ZC3H7A: variants seen among roughly 807,000 people sequenced by gnomAD.
ZC3H7A encodes the protein zinc finger CCCH-type containing 7A.
Under a neutral mutation model 125.5 loss-of-function variants are expected in ZC3H7A, and 44 were observed. The ratio of observed to expected loss-of-function variants is 0.35; its 90% CI spans 0.28 to 0.45. The LOEUF (loss-of-function observed/expected upper bound fraction) is 0.45, where lower values mean the gene tolerates loss of function less well. Ranked by LOEUF, ZC3H7A falls within the 20% of genes least tolerant of loss-of-function variation. ZC3H7A has a pLI of 1.00. For missense variants in ZC3H7A, 977 were observed against 1,170.7 expected (o/e 0.83, Z 2.41); for synonymous variants, 399 against 391.2 (o/e 1.02, Z -0.23).
intron 10 of ZC3H7A, 91 bp downstream of exon 10, chr16:11,770,692 C>A: frequency 8.6e-7 from 1 of 1,161,420 alleles, no homozygotes; most frequent in Non-Finnish European, 1.2e-6. Context: ...CACATGTCTA[C>A]TACCTAGAGT....
chr16:11,790,058 CCA>C (rs983232262), intron 1 of ZC3H7A, among the ~76,000 whole-genome samples: 1 of 132,046 alleles, frequency 7.6e-6, no homozygotes, highest in African/African-American at 2.9e-5. Context: ...TCCACCTGAA[CCA>C]CAGAGTGAGA....
chr16:11,758,362 C>T lies in ZC3H7A; in HGVS notation c.2428+69G>A, dbSNP rs998059052. 6.5e-5 allele frequency: 74 copies of T among 1,143,040 alleles called. 1 individual carries two copies. The East Asian group carries it at 8.3e-4, about 13-fold the overall frequency. The allele number at this position is 1,143,040 out of a possible 1,614,324, so 70.8% of individuals were successfully genotyped here. A position where few individuals can be genotyped will look rare whatever the true frequency, so the allele number is the denominator to read the frequency against. On this transcript the variant is annotated intron_variant, in intron 20 of 22. Transcript: ENST00000355758. ...GCTTTCTGTGTTCACAGGAAGCTGG[C>T]ATATTTATAGAGAGGAAAAGAACTT...
In ZC3H7A at chr16:11,797,242, T is replaced by G. The variant is rs1283803950; in HGVS notation, c.-153A>C. 1.3e-5 allele frequency: 2 copies of G among 150,810 alleles called. No individual in the cohort carries two copies. The highest frequency in any genetic ancestry group is 3.9e-4 in the East Asian group (2 of 5,132). The allele number at this position is 150,810 out of a possible 1,614,324, so 9.3% of individuals were successfully genotyped here. On this transcript the variant is annotated 5_prime_UTR_variant, in exon 1 of 23. Coordinates refer to ENST00000355758, the MANE Select transcript of ZC3H7A (RefSeq NM_014153.4). ...GTGCTCGCTCGCAGCTCTCCCTCGG[T>G]TAGCGGCGGCGGCAGCGGCTCGGTT...
intron 1 of ZC3H7A, among the ~76,000 whole-genome samples, chr16:11,791,625 C>A (rs1247835952): frequency 6.6e-6 from 1 of 152,130 alleles, no homozygotes; most frequent in Non-Finnish European, 1.5e-5. Context: ...AGTTCAGAGG[C>A]CCAGGAGATA....
chr16:11,768,266 G>A (rs1298161453), intron 12 of ZC3H7A, 49 bp downstream of exon 12: 11 of 1,376,564 alleles, frequency 8.0e-6, no homozygotes, highest in Non-Finnish European at 1.0e-5. Context: ...AACTTTCAAG[G>A]TTATGAGCAA....
In ZC3H7A at chr16:11,781,447, G is replaced by T; in HGVS notation, c.86C>A (p.Pro29Gln). The T allele has an allele frequency of 6.2e-7, 1 of 1,607,072 alleles. No homozygotes were observed. Among genetic ancestry groups the T allele is most frequent in the Non-Finnish European group, 8.5e-7 (1 of 1,175,146 alleles). Residue 29 changes from proline (P) to glutamine (Q), a missense_variant, in exon 3 of 23, where the codon CCA becomes CAA. Transcript: ENST00000355758. The stretch of plus-strand genomic sequence containing the variant: ...TACCGCATATTGCTCCTGTGTTCCT[G>T]GATATGACAGCGGTGACCTAAGAAG... ...LQFIQSPLSYPGTQEQYAVYL... is the reference protein window; with the variant it reads ...LQFIQSPLSYQGTQEQYAVYL...
At position 11,765,168 on chromosome 16, in the gene ZC3H7A, G is replaced by A. The variant is rs755199050; in HGVS notation, c.1720-15C>T. 16 of 1,436,010 alleles carry A rather than the reference G, an allele frequency of 1.1e-5. No homozygotes were observed. Among genetic ancestry groups the A allele is most frequent in the South Asian group, 1.3e-5 (1 of 75,606 alleles). The allele number at this position is 1,436,010 out of a possible 1,614,324, so 89.0% of individuals were successfully genotyped here. A position where few individuals can be genotyped will look rare whatever the true frequency, so the allele number is the denominator to read the frequency against. ...TCAAAACATTTCTGGAATAGAGAGA[G>A]AAAGATTATCAAAAAAAATACAAAA... is the stretch of plus-strand genomic sequence containing the variant. On this transcript the variant is annotated splice_polypyrimidine_tract_variant and intron_variant, in intron 14 of 22. Transcript: ENST00000355758. This position sits in a 1 kb window ranked among gnomAD's most constrained non-coding sequence, Gnocchi z 4.8.
rs746650231 is a variant in ZC3H7A at position 11,776,564 on chromosome 16, G to A, written c.466-32C>T. The A allele has an allele frequency of 6.4e-5, 101 of 1,569,060 alleles. 1 individual carries two copies. The East Asian group carries it at 2.2e-3, about 35-fold the overall frequency. On this transcript the variant is annotated intron_variant, in intron 5 of 22. Coordinates refer to ENST00000355758, the MANE Select transcript of ZC3H7A (RefSeq NM_014153.4). ...AAAATAAGTATGTATAATTAACAGG[G>A]TTATATTTACTAATGGTGAAGAAGA...
chr16:11,770,063 A>G (rs2052952358), intron 10 of ZC3H7A, among the ~76,000 whole-genome samples: 1 of 152,030 alleles, frequency 6.6e-6, no homozygotes, highest in Admixed American at 6.6e-5. Flanking sequence ...CTGGGATTAC[A>G]GGCATGAGCC....
chr16:11,767,290 T>C, intron 13 of ZC3H7A, 127 bp downstream of exon 13: 1 of 810,482 alleles, frequency 1.2e-6, no homozygotes, highest in Non-Finnish European at 1.8e-6. Flanking sequence ...CCATCGAGGT[T>C]TGTGTAAGTA....
At position 11,769,710 on chromosome 16, in the gene ZC3H7A, C is replaced by CAA. The variant is rs529124830; in HGVS notation, c.1109-617_1109-616dup. Among the ~76,000 whole-genome samples the CAA allele has an allele frequency of 3.4e-3, 111 of 32,520 alleles. 7 individuals carry two copies. The highest frequency in any genetic ancestry group is 0.019 in the African/African-American group (99 of 5,326). 21.3% of individuals were successfully genotyped at this position (32,520 alleles called of 152,430 possible). A position where few individuals can be genotyped will look rare whatever the true frequency, so the allele number is the denominator to read the frequency against. On this transcript the variant is annotated intron_variant, in intron 10 of 22. Coordinates refer to ENST00000355758, the MANE Select transcript of ZC3H7A (RefSeq NM_014153.4). ...TGGGCAACAGAGTGAGACTCTGTCT[C>CAA]AAAAAAAAAAAAAAAAAAAGCAGGA... is the stretch of plus-strand genomic sequence containing the variant.
At chr16:11,785,053 G>A (rs2053235563) in intron 1 of ZC3H7A, among the ~76,000 whole-genome samples, 1 of 151,826 alleles carries the variant, frequency 6.6e-6, no homozygotes, top group South Asian at 2.1e-4. Context: ...AGCTACTACG[G>A]AGGCTGGGGC....
At chr16:11,779,123 T>A (rs757752742) in intron 4 of ZC3H7A, 43 bp downstream of exon 4, 113 of 1,476,002 alleles carry the variant, frequency 7.7e-5, no homozygotes, top group Non-Finnish European at 9.7e-5. Context: ...ATTGAAAAAA[T>A]TCTTTTCACT....
intron 1 of ZC3H7A, 144 bp from the exon 2 acceptor site, chr16:11,782,532 G>C: frequency 3.1e-6 from 2 of 650,732 alleles, no homozygotes; most frequent in Non-Finnish European, 5.4e-6. Flanking sequence ...GGACGGCAGG[G>C]ACCGTACAGG....
chr16:11,782,572 G>A (rs2053189612), intron 1 of ZC3H7A, 184 bp from the exon 2 acceptor site: 1 of 484,170 alleles, frequency 2.1e-6, no homozygotes, highest in Non-Finnish European at 3.7e-6. Context: ...CTGTGGTCCG[G>A]CACACCATAA....
intron 1 of ZC3H7A, among the ~76,000 whole-genome samples, chr16:11,790,427 T>C (rs1057429291): frequency 3.3e-5 from 5 of 152,338 alleles, no homozygotes; most frequent in Admixed American, 3.3e-4. Context: ...TTATGGAAGC[T>C]CTTTATATGT....
chr16:11,786,017 G>A (rs1208717893), intron 1 of ZC3H7A, among the ~76,000 whole-genome samples: 20 of 152,328 alleles, frequency 1.3e-4, no homozygotes, highest in Non-Finnish European at 2.9e-5. Flanking sequence ...GACTACAGCA[G>A]TAGTAGAAGA....
intron 20 of ZC3H7A, among the ~76,000 whole-genome samples, chr16:11,757,357 G>A (rs1454129744): frequency 6.6e-6 from 1 of 151,874 alleles, no homozygotes; most frequent in African/African-American, 2.4e-5. Context: ...GGTGGCAGGC[G>A]CCTGTAGTCC....
intron 7 of ZC3H7A, chr16:11,775,500 T>C (rs2053065143): frequency 6.5e-6 from 1 of 153,038 alleles, no homozygotes; most frequent in African/African-American, 2.4e-5. Context: ...CATGTGGTGT[T>C]AGGTGAGGTG....
Sources: allele counts gnomAD v4.1 joint callset (sites outside exome capture counted in the v4.1 genomes callset), GRCh38; gene constraint gnomAD v4.1.1; non-coding constraint Gnocchi (gnomAD v3.1); transcripts MANE v1.5; gene names NCBI Gene and HGNC (gene_info 2026-07-23, HGNC 2026-07-21).